Variants in TRPM2 observed in about 807,000 individuals in gnomAD.
TRPM2 encodes the protein transient receptor potential cation channel subfamily M member 2.
A neutral mutation model predicts 174.0 loss-of-function variants in TRPM2; 161 were observed. The observed-to-expected ratio is 0.93, with a 90% CI of 0.81 to 1.05. TRPM2 has a LOEUF of 1.05. TRPM2 is among the 50% of genes least tolerant of loss of function. TRPM2 has a pLI of 0.00. For synonymous variants in TRPM2, 954 were observed against 861.3 expected (o/e 1.11, Z -1.88); for missense variants, 2,057 against 2,038.0 (o/e 1.01, Z -0.18).
intron 9 of TRPM2, among the ~76,000 whole-genome samples, chr21:44,390,467 G>A (rs2049139565): frequency 6.6e-6 from 1 of 152,228 alleles, no homozygotes; most frequent in South Asian, 2.1e-4. Flanking sequence ...CAGTGAGGTG[G>A]TTGTTACTGT....
rs530950163 is a variant in TRPM2 at position 44,365,411 on chromosome 21, C to T, written c.423+1129C>T. 1.4e-4 allele frequency among the ~76,000 whole-genome samples: 22 copies of T among 152,320 alleles called. No homozygotes were observed. In the South Asian group the frequency reaches 1.7e-3, roughly 11 times the overall value. Reference sequence around the variant, plus strand: ...GGTTGAGTGGGGCAGGTCCCGGAGACGGGGTCATGTGGCCCCAGGCTTCCT... The same window carrying T: ...GGTTGAGTGGGGCAGGTCCCGGAGATGGGGTCATGTGGCCCCAGGCTTCCT... On this transcript the variant is annotated intron_variant, in intron 3 of 31. Transcript: ENST00000397928.
At chr21:44,405,355 A>T in intron 17 of TRPM2, 95 bp downstream of exon 17, 1 of 1,548,600 alleles carries the variant, frequency 6.5e-7, no homozygotes, top group Non-Finnish European at 8.7e-7. Context: ...ACACCGGGTG[A>T]GGCTCAGCTC....
chr21:44,369,192 C>G lies in TRPM2; in HGVS notation c.620C>G (p.Thr207Arg). ...CCTTCCCCAGGGGCCTGGATCATCA[C>G]AGGGGGGTCCCACACCGGCGTCATG... ...VAQTTGAWIITGGSHTGVMKQ... is the reference protein window; with the variant it reads ...VAQTTGAWIIRGGSHTGVMKQ... The change falls in exon 5 of 32, where the codon ACA becomes AGA. Residue 207 changes from threonine (T) to arginine (R), a missense_variant. Thr to Arg is a moderately conservative substitution (Grantham distance 71, BLOSUM62 -1). Coordinates refer to ENST00000397928, the MANE Select transcript of TRPM2 (RefSeq NM_003307.4). The G allele has an allele frequency of 1.2e-6, 2 of 1,610,374 alleles. No homozygotes were observed. Among genetic ancestry groups the G allele is most frequent in the Non-Finnish European group, 1.7e-6 (2 of 1,178,446 alleles).
intron 5 of TRPM2, among the ~76,000 whole-genome samples, chr21:44,375,544 CT>C (rs1231826614): frequency 6.6e-6 from 1 of 152,200 alleles, no homozygotes; most frequent in Non-Finnish European, 1.5e-5. Flanking sequence ...CCACTTGTGG[CT>C]ATGTCACTTG....
rs2048914402 is a variant in TRPM2, at chr21:44,382,616, C to A, written c.1216-102C>A. ...GTCCTGGCCACAAGCGCAGGCAGGA[C>A]CCAAGGCTCTGGCTGTGTCCGGGGC... On this transcript the variant is annotated intron_variant, in intron 8 of 31. Coordinates refer to ENST00000397928, the MANE Select transcript of TRPM2 (RefSeq NM_003307.4). 3 of 1,142,204 alleles carry A rather than the reference C, an allele frequency of 2.6e-6. No homozygotes were observed. In the South Asian group the frequency reaches 4.2e-5, roughly 16 times the overall value. 70.8% of individuals were successfully genotyped at this position (1,142,204 alleles called of 1,614,324 possible). A position where few individuals can be genotyped will look rare whatever the true frequency, so the allele number is the denominator to read the frequency against.
rs371222161 is a variant in TRPM2 at position 44,401,677 on chromosome 21, G to A, written c.2322-4G>A. 7.3e-5 allele frequency: 117 copies of A among 1,611,790 alleles called. No individual in the cohort carries two copies. Among genetic ancestry groups the A allele is most frequent in the South Asian group, 1.3e-4 (12 of 91,068 alleles). ...CTGTCTCCTCTCTGCTGTGACGGCC[G>A]CAGGGAGAAGAGGCTGCAGGATGTG... On this transcript the variant is annotated splice_polypyrimidine_tract_variant and splice_region_variant and intron_variant, in intron 15 of 31. Transcript: ENST00000397928.
At chr21:44,389,950 G>T (rs2049123013) in intron 9 of TRPM2, among the ~76,000 whole-genome samples, 1 of 148,682 alleles carries the variant, frequency 6.7e-6, no homozygotes, top group Admixed American at 6.8e-5. Context: ...TCGGATCATT[G>T]CAAGTTCCGC....
chr21:44,390,990 C>G lies in TRPM2; in HGVS notation c.1405C>G (p.Arg469Gly). ...GGCATGGAATCGCGTGGACATTGCC[C>G]GCAGTGAGATCTTCATGGATGAGTG... ...AVAWNRVDIA[R>G]SEIFMDEWQW... The change falls in exon 10 of 32, where the codon CGC (arginine) becomes GGC (glycine). Residue 469 changes from arginine (R) to glycine (G), a missense_variant. Coordinates refer to ENST00000397928, the MANE Select transcript of TRPM2 (RefSeq NM_003307.4). 1.9e-6 allele frequency: 3 copies of G among 1,614,048 alleles called. No homozygotes were observed. The highest frequency in any genetic ancestry group is 1.1e-5 in the South Asian group (1 of 91,072).
At chr21:44,388,768 C>T (rs1250630546) in intron 9 of TRPM2, among the ~76,000 whole-genome samples, 1 of 151,928 alleles carries the variant, frequency 6.6e-6, no homozygotes, top group East Asian at 1.9e-4. Flanking sequence ...CTGCAATAAG[C>T]CTTATGATTA....
At chr21:44,418,883 G>A (rs1336029898) in intron 22 of TRPM2, among the ~76,000 whole-genome samples, 1 of 152,230 alleles carries the variant, frequency 6.6e-6, no homozygotes, top group Non-Finnish European at 1.5e-5. Context: ...ACGGGGTCCA[G>A]GCTGGTTTGG....
chr21:44,355,601 G>A (rs934158031), intron 2 of TRPM2, among the ~76,000 whole-genome samples: 3 of 152,170 alleles, frequency 2.0e-5, no homozygotes, highest in African/African-American at 7.2e-5. Flanking sequence ...GTAACTGTGT[G>A]GCTTTGTGTT....
chr21:44,438,865 G>T lies in TRPM2; in HGVS notation c.4168-202G>T, dbSNP rs1194213414. Among the ~76,000 whole-genome samples, 1 of 152,168 alleles carries T rather than the reference G, an allele frequency of 6.6e-6. No homozygotes were observed. The highest frequency in any genetic ancestry group is 2.4e-5 in the African/African-American group (1 of 41,446). On this transcript the variant is annotated intron_variant, in intron 29 of 31. Coordinates refer to ENST00000397928, the MANE Select transcript of TRPM2 (RefSeq NM_003307.4). This position sits in a 1 kb window ranked among gnomAD's most constrained non-coding sequence, Gnocchi z 5.9. ...TCTGCAGCCCAGTGCCCCCTGCTCG[G>T]GCCACGGCAGGCCTCACAGATGCTG...
intron 5 of TRPM2, among the ~76,000 whole-genome samples, chr21:44,370,954 G>A (rs1203926414): frequency 6.6e-6 from 1 of 152,104 alleles, no homozygotes; most frequent in Non-Finnish European, 1.5e-5. Flanking sequence ...ACGGCGGAGG[G>A]TGTGTGTCCC....
At chr21:44,373,996 A>G (rs1013240102) in intron 5 of TRPM2, among the ~76,000 whole-genome samples, 6 of 151,606 alleles carry the variant, frequency 4.0e-5, no homozygotes, top group African/African-American at 1.5e-4. Context: ...ATGCCAGTAT[A>G]TGTATTCTCT....
At chr21:44,424,056 G>A (rs112735481) in intron 23 of TRPM2, among the ~76,000 whole-genome samples, 81 of 152,316 alleles carry the variant, frequency 5.3e-4, no homozygotes, top group African/African-American at 1.8e-3. Flanking sequence ...CTGAGCCCTG[G>A]AGAGGCCGCA....
At chr21:44,424,057 A>C (rs1435948865) in intron 23 of TRPM2, among the ~76,000 whole-genome samples, 1 of 152,066 alleles carries the variant, frequency 6.6e-6, no homozygotes, top group Non-Finnish European at 1.5e-5. Context: ...TGAGCCCTGG[A>C]GAGGCCGCAA....
intron 22 of TRPM2, chr21:44,423,344 C>T: frequency 2.5e-6 from 1 of 406,108 alleles, no homozygotes; most frequent in Non-Finnish European, 4.6e-6. Flanking sequence ...TTGTTTGTGA[C>T]CTGTCACCTG....
intron 28 of TRPM2, among the ~76,000 whole-genome samples, chr21:44,436,194 G>A (rs2051259687): frequency 1.3e-5 from 2 of 152,328 alleles, no homozygotes; most frequent in South Asian, 4.1e-4. Flanking sequence ...CTGTGCAGGT[G>A]CAGACGCCTG....
rs1419448019 is a variant in TRPM2, at chr21:44,376,504, C to T, written c.952+491C>T. ...CTCAAGGGATCCTCCCATCACCCTCCCAAAGTGCTGGGATTACAAGCTTGA... is the reference window on the plus strand; with the variant it reads ...CTCAAGGGATCCTCCCATCACCCTCTCAAAGTGCTGGGATTACAAGCTTGA... On this transcript the variant is annotated intron_variant, in intron 6 of 31. Transcript: ENST00000397928. The surrounding 1 kb of genome is among the most constrained non-coding windows in gnomAD (Gnocchi z 4.2). 1.3e-5 allele frequency among the ~76,000 whole-genome samples: 2 copies of T among 152,140 alleles called. No homozygotes were observed. The highest frequency in any genetic ancestry group is 2.9e-5 in the Non-Finnish European group (2 of 68,030).
Sources: gnomAD v4.1 joint callset for allele counts (sites outside exome capture counted in the v4.1 genomes callset) on GRCh38, gnomAD v4.1.1 for gene constraint, Gnocchi (gnomAD v3.1) non-coding constraint, MANE v1.5 for transcripts, NCBI Gene and HGNC (gene_info 2026-07-23, HGNC 2026-07-21) for gene names.